GLIS3: variants seen among roughly 807,000 people sequenced by gnomAD.
GLIS3 encodes GLIS family zinc finger 3.
In GLIS3, 53 loss-of-function variants were observed where a neutral mutation model predicts 78.6. That is an observed-to-expected ratio of 0.67 (90% CI 0.54 to 0.85). GLIS3 has a LOEUF of 0.85. Ranked by LOEUF, GLIS3 falls within the 40% of genes least tolerant of loss-of-function variation. The pLI is 0.00. For synonymous variants in GLIS3, 684 were observed against 509.9 expected (o/e 1.34, Z -4.60); for missense variants, 1,703 against 1,231.1 (o/e 1.38, Z -5.74).
At chr9:4,462,934 T>C in the GLIS3 span, among the ~76,000 whole-genome samples, 1 of 152,188 alleles carries the variant, frequency 6.6e-6, no homozygotes, top group Non-Finnish European at 1.5e-5. Context: ...AAACCCAATA[T>C]AGGACCTAAA....
chr9:4,230,675 T>C (rs1051660266), intron 2 of GLIS3, among the ~76,000 whole-genome samples: 14 of 152,182 alleles, frequency 9.2e-5, no homozygotes, highest in African/African-American at 3.4e-4. Flanking sequence ...AATTATGGAC[T>C]GCGCATGGGG....
chr9:4,136,963 T>C (rs1833449620), intron 2 of GLIS3, among the ~76,000 whole-genome samples: 1 of 152,194 alleles, frequency 6.6e-6, no homozygotes, highest in African/African-American at 2.4e-5. Flanking sequence ...CTGATGTGCA[T>C]CTGGGACCTT....
intron 4 of GLIS3, among the ~76,000 whole-genome samples, chr9:4,031,920 GGAGCCTAGACTCTGGCTAGCC>G (rs1387801430): frequency 6.6e-6 from 1 of 152,136 alleles, no homozygotes; most frequent in Non-Finnish European, 1.5e-5. Flanking sequence ...TACAGGGCAG[GGAGCCTAGACTCTGGCTAGCC>G]AGGAAAGACC....
intron 9 of GLIS3, among the ~76,000 whole-genome samples, chr9:3,848,821 T>A (rs1289594398): frequency 6.6e-6 from 1 of 152,244 alleles, no homozygotes; most frequent in Non-Finnish European, 1.5e-5. Context: ...TGTTTCTTGT[T>A]GCAGTCAATT....
intron 4 of GLIS3, among the ~76,000 whole-genome samples, chr9:3,970,712 T>A (rs1162427050): frequency 6.6e-6 from 1 of 152,180 alleles, no homozygotes; most frequent in African/African-American, 2.4e-5. Flanking sequence ...AAGTTGATCA[T>A]ACACACAAAC....
intron 9 of GLIS3, among the ~76,000 whole-genome samples, chr9:3,847,241 A>G (rs10973773): frequency 0.21 from 31,942 of 152,176 alleles, 4,145 homozygotes; most frequent in Non-Finnish European, 0.28. Context: ...AAGAGGGGGC[A>G]GAGAAACAGG....
At chr9:4,110,923 C>G (rs1268474902) in intron 4 of GLIS3, among the ~76,000 whole-genome samples, 1 of 152,206 alleles carries the variant, frequency 6.6e-6, no homozygotes, top group Non-Finnish European at 1.5e-5. Context: ...TGGTCTTTCA[C>G]TCTACACATT....
rs1334528155 is a variant in GLIS3 at position 4,117,840 on chromosome 9, C to T, written c.1638G>A (p.Lys546=). 4 of 1,614,066 alleles carry T rather than the reference C, an allele frequency of 2.5e-6. No individual in the cohort carries two copies. In the Admixed American group the frequency reaches 6.7e-5, roughly 27 times the overall value. Residue 546 remains lysine (K), a synonymous_variant, in exon 4 of 11, where the codon AAG becomes AAA. Transcript: ENST00000381971. ...GCAGTTTATAGCGGGCGTTGAAGGG[C>T]TTGTATCTTCGAGGGCAACCGGCCC... ...CFWAGCPRRY[K]PFNARYKLLI...
intron 4 of GLIS3, among the ~76,000 whole-genome samples, chr9:4,074,914 C>T (rs1827917468): frequency 6.6e-6 from 1 of 152,134 alleles, no homozygotes; most frequent in Non-Finnish European, 1.5e-5. Flanking sequence ...CTTTCTTCTC[C>T]AAATACAGAA....
chr9:4,206,479 T>C (rs996210916), intron 2 of GLIS3, among the ~76,000 whole-genome samples: 1 of 152,122 alleles, frequency 6.6e-6, no homozygotes, highest in Non-Finnish European at 1.5e-5. Context: ...TAGCAGAAAA[T>C]AGAGGCGTAG....
intron 8 of GLIS3, among the ~76,000 whole-genome samples, chr9:3,872,693 T>C (rs1462626345): frequency 6.6e-6 from 1 of 152,194 alleles, no homozygotes; most frequent in Non-Finnish European, 1.5e-5. Flanking sequence ...GTAGGAATTA[T>C]GGGAATACAA....
In GLIS3 at chr9:3,828,554, G is replaced by C. The variant is rs1340099430; in HGVS notation, c.2657-146C>G. The stretch of plus-strand genomic sequence containing the variant: ...AGCCTGGGCCCTATAGTGAGTCTCT[G>C]TTTCCAGCGACCTTAGTGAGGGAAG... On this transcript the variant is annotated intron_variant, in intron 10 of 10. Transcript: ENST00000381971. 7 of 1,005,704 alleles carry C rather than the reference G, an allele frequency of 7.0e-6. No homozygotes were observed. In the African/African-American group the frequency reaches 8.0e-5, roughly 11 times the overall value. 62.3% of individuals were successfully genotyped at this position (1,005,704 alleles called of 1,614,324 possible). A position where few individuals can be genotyped will look rare whatever the true frequency, so the allele number is the denominator to read the frequency against.
At chr9:4,009,611 C>T (rs1821832571) in intron 4 of GLIS3, among the ~76,000 whole-genome samples, 1 of 152,196 alleles carries the variant, frequency 6.6e-6, no homozygotes, top group Non-Finnish European at 1.5e-5. Flanking sequence ...TGTTCTAATG[C>T]TCCCCAAGAC....
In GLIS3 at chr9:3,836,725, C is replaced by T. The variant is rs533620415; in HGVS notation, c.2474-7233G>A. On this transcript the variant is annotated intron_variant, in intron 9 of 10. Coordinates refer to ENST00000381971, the MANE Select transcript of GLIS3 (RefSeq NM_001042413.2). ...TGGTATCCCCTAAGACCCAGCAAGA[C>T]GAGAGCCATATGCTGACAGCCACAC... is the stretch of plus-strand genomic sequence containing the variant. Among the ~76,000 whole-genome samples the T allele has an allele frequency of 5.3e-5, 8 of 152,308 alleles. No homozygotes were observed. The South Asian group carries it at 8.3e-4, about 16-fold the overall frequency.
At chr9:3,849,549 G>T (rs896504497) in intron 9 of GLIS3, among the ~76,000 whole-genome samples, 2 of 152,158 alleles carry the variant, frequency 1.3e-5, no homozygotes, top group African/African-American at 4.8e-5. Context: ...TTGGGAGGAG[G>T]CATGGGCACT....
intron 2 of GLIS3, among the ~76,000 whole-genome samples, chr9:4,187,490 G>A (rs1344041662): frequency 2.0e-5 from 3 of 152,056 alleles, no homozygotes; most frequent in Non-Finnish European, 4.4e-5. Flanking sequence ...CTCTTTTTTG[G>A]TTCCATATGA....
At chr9:4,415,798 TTTC>T in the GLIS3 span, among the ~76,000 whole-genome samples, 6 of 12,118 alleles carry the variant, frequency 5.0e-4, no homozygotes, top group East Asian at 0.017. Flanking sequence ...AATTTTAACT[TTTC>T]TTTTTTTTAT....
the GLIS3 span, among the ~76,000 whole-genome samples, chr9:4,465,878 A>T: frequency 6.6e-6 from 1 of 152,228 alleles, no homozygotes; most frequent in African/African-American, 2.4e-5. Context: ...TTAAAAATCT[A>T]TTTGAAAGCA....
In GLIS3 at chr9:4,056,026, G is replaced by A. The variant is rs533303378; in HGVS notation, c.1710+61742C>T. On this transcript the variant is annotated intron_variant, in intron 4 of 10. Coordinates refer to ENST00000381971, the MANE Select transcript of GLIS3 (RefSeq NM_001042413.2). ...TGAAGGACTGATAGGATGATCATGC[G>A]CAATTAATACTAGGCCCTGTTTAGT... Among the ~76,000 whole-genome samples the A allele has an allele frequency of 9.9e-5, 15 of 152,246 alleles. No individual in the cohort carries two copies. The East Asian group carries it at 1.5e-3, about 16-fold the overall frequency.
Sources: gnomAD v4.1 joint callset for allele counts (sites outside exome capture counted in the v4.1 genomes callset) on GRCh38, gnomAD v4.1.1 for gene constraint, MANE v1.5 for transcripts, NCBI Gene and HGNC (gene_info 2026-07-23, HGNC 2026-07-21) for gene names.